The following CACNG4 variants were observed in gnomAD, a reference collection of about 807,000 sequenced individuals.
CACNG4 encodes voltage-dependent calcium channel gamma-4 subunit.
In CACNG4, 8 loss-of-function variants were observed where a neutral mutation model predicts 22.9. The observed-to-expected ratio is 0.35, with a 90% confidence interval of 0.21 to 0.63. The LOEUF (loss-of-function observed/expected upper bound fraction) is 0.63, where lower values mean the gene tolerates loss of function less well. Among genes scored for constraint, CACNG4 ranks in the 30% least tolerant of loss-of-function variants. The probability of loss-of-function intolerance (pLI) is 0.72; values close to 1 mark genes in which losing one functional copy is unlikely to be tolerated. For synonymous variants in CACNG4, 188 were observed against 191.9 expected (o/e 0.98, Z 0.17); for missense variants, 357 against 455.4 (o/e 0.78, Z 1.97).
rs1238373565 is a variant in CACNG4, at chr17:66,965,096, C to G, written c.185C>G (p.Thr62Ser). Residue 62 changes from threonine (T) to serine (S), a missense_variant, in exon 1 of 4, where the codon ACC becomes AGC. By Grantham distance (58) the Thr-to-Ser change is moderately conservative. This residue lies in a region of CACNG4 where 114 missense variants were observed against 161.6 expected (regional missense o/e 0.71). Coordinates refer to ENST00000262138, the MANE Select transcript of CACNG4 (RefSeq NM_014405.4). ...PPPRRARGDLTHSGLWRVCCI... is the reference protein window; with the variant it reads ...PPPRRARGDLSHSGLWRVCCI... ...CCCCGCCGCGCCCGCGGCGACCTCACCCACTCTGGTCTGTGGCGGGTGTGC... is the reference window on the plus strand; with the variant it reads ...CCCCGCCGCGCCCGCGGCGACCTCAGCCACTCTGGTCTGTGGCGGGTGTGC... 1.3e-6 allele frequency: 2 copies of G among 1,599,188 alleles called. No individual in the cohort carries two copies. Among genetic ancestry groups the G allele is most frequent in the Middle Eastern group, 1.6e-4 (1 of 6,070 alleles).
At chr17:66,997,475 C>T (rs1274670315) in intron 1 of CACNG4, among the ~76,000 whole-genome samples, 1 of 152,086 alleles carries the variant, frequency 6.6e-6, no homozygotes, top group African/African-American at 2.4e-5. Flanking sequence ...GTGGAGATGT[C>T]CCCGGGGATG....
At chr17:67,025,498 C>T (rs926687261) in intron 3 of CACNG4, among the ~76,000 whole-genome samples, 4 of 152,228 alleles carry the variant, frequency 2.6e-5, no homozygotes, top group African/African-American at 4.8e-5. Flanking sequence ...CATGAGTGGC[C>T]GTCTTGCAGA....
chr17:67,024,952 C>A lies in CACNG4; in HGVS notation c.397C>A (p.Arg133Ser). 6.2e-7 allele frequency: 1 copy of A among 1,607,004 alleles called. No homozygotes were observed. Among genetic ancestry groups the A allele is most frequent in the Non-Finnish European group, 8.5e-7 (1 of 1,177,844 alleles). Reference sequence around the variant, plus strand: ...CATCGGTGCTGGCAGGATCTACAGCCGCAAGAACAACATCGTCCTCAGTGC... The same window carrying A: ...CATCGGTGCTGGCAGGATCTACAGCAGCAAGAACAACATCGTCCTCAGTGC... Reference protein sequence around the residue: ...LCIGAGRIYSRKNNIVLSAGI... With the variant: ...LCIGAGRIYSSKNNIVLSAGI... The change falls in exon 3 of 4, where the codon CGC becomes AGC. Residue 133 changes from arginine to serine, a missense_variant. Physicochemically the swap from Arg to Ser is moderately radical, Grantham distance 110. This residue lies in a region of CACNG4 where 240 missense variants were observed against 277.6 expected (regional missense o/e 0.86). Coordinates refer to ENST00000262138, the MANE Select transcript of CACNG4 (RefSeq NM_014405.4).
Position 67,027,845 on chromosome 17 carries a change from C to T in CACNG4, c.446-2621C>T, listed in dbSNP as rs960201107. On this transcript the variant is annotated intron_variant, in intron 3 of 3. Coordinates refer to ENST00000262138, the MANE Select transcript of CACNG4 (RefSeq NM_014405.4). This position sits in a 1 kb window ranked among gnomAD's most constrained non-coding sequence, Gnocchi z 4.3. The stretch of plus-strand genomic sequence containing the variant: ...ACCAGCCTGGCCAACATGGTGAAAC[C>T]CTGTCTCTACCAAAAAATACAAAAA... Among the ~76,000 whole-genome samples the T allele has an allele frequency of 6.6e-6, 1 of 151,886 alleles. No individual in the cohort carries two copies. Among genetic ancestry groups the T allele is most frequent in the Non-Finnish European group, 1.5e-5 (1 of 68,004 alleles).
At chr17:66,988,066 TACACACAC>T (rs1312133977) in intron 1 of CACNG4, among the ~76,000 whole-genome samples, 1 of 147,362 alleles carries the variant, frequency 6.8e-6, no homozygotes, top group Non-Finnish European at 1.5e-5. Context: ...TATATATATA[TACACACAC>T]ACACACACAT....
chr17:66,964,798 C>G lies in CACNG4; in HGVS notation c.-114C>G. ...GGTCGGAGCGCGCAGCGCGGCGCCG[C>G]CCCCCGGCCCTCGGCCCCCCAACCC... On this transcript the variant is annotated 5_prime_UTR_variant, in exon 1 of 4. Transcript: ENST00000262138. 3.1e-6 allele frequency: 1 copy of G among 326,530 alleles called. No homozygotes were observed. Among genetic ancestry groups the G allele is most frequent in the Non-Finnish European group, 4.3e-6 (1 of 231,452 alleles). The allele number at this position is 326,530 out of a possible 1,614,324, so 20.2% of individuals were successfully genotyped here. A position where few individuals can be genotyped will look rare whatever the true frequency, so the allele number is the denominator to read the frequency against.
chr17:66,976,387 C>G (rs2035236404), intron 1 of CACNG4, among the ~76,000 whole-genome samples: 1 of 150,014 alleles, frequency 6.7e-6, no homozygotes, highest in African/African-American at 2.5e-5. Flanking sequence ...CCTCCCCTCC[C>G]TCCAACTTCT....
intron 1 of CACNG4, among the ~76,000 whole-genome samples, chr17:66,971,745 G>A (rs373534272): frequency 1.3e-5 from 2 of 152,130 alleles, no homozygotes; most frequent in South Asian, 2.1e-4. Flanking sequence ...CCGAGGCCCC[G>A]AGCAGGAGGG....
At chr17:66,978,858 G>A (rs1322353338) in intron 1 of CACNG4, among the ~76,000 whole-genome samples, 3 of 152,222 alleles carry the variant, frequency 2.0e-5, no homozygotes, top group African/African-American at 4.8e-5. Flanking sequence ...TTCTGCCTGC[G>A]GATTCCTGAG....
intron 1 of CACNG4, among the ~76,000 whole-genome samples, chr17:67,002,625 T>C (rs1013014865): frequency 6.7e-6 from 1 of 148,552 alleles, no homozygotes; most frequent in Non-Finnish European, 1.5e-5. Context: ...TCTTTCTCTC[T>C]CTCTCTCTCT....
At position 66,967,395 on chromosome 17, in the gene CACNG4, T is replaced by C. The variant is rs191581746; in HGVS notation, c.220+2264T>C. On this transcript the variant is annotated intron_variant, in intron 1 of 3. Coordinates refer to ENST00000262138, the MANE Select transcript of CACNG4 (RefSeq NM_014405.4). ...TTCAAGATTCCTTGGCTAGAATCAT[T>C]GTGACAGTCCCTCAACCTGGGTGGG... Among the ~76,000 whole-genome samples, 350 of 152,242 alleles carry C rather than the reference T, an allele frequency of 2.3e-3. 1 individual carries two copies. Among genetic ancestry groups the C allele is most frequent in the Admixed American group, 4.3e-3 (65 of 15,290 alleles).
intron 1 of CACNG4, among the ~76,000 whole-genome samples, chr17:66,991,354 G>A (rs994520509): frequency 6.6e-5 from 10 of 151,962 alleles, no homozygotes; most frequent in Admixed American, 2.0e-4. Flanking sequence ...AAACACTTCC[G>A]AAAGACCTCT....
At chr17:66,973,809 C>T (rs2035219327) in intron 1 of CACNG4, among the ~76,000 whole-genome samples, 1 of 152,186 alleles carries the variant, frequency 6.6e-6, no homozygotes, top group African/African-American at 2.4e-5. Context: ...TGGTTCTAAG[C>T]TCCAGGGAGA....
At chr17:66,995,860 T>C (rs2035371639) in intron 1 of CACNG4, among the ~76,000 whole-genome samples, 1 of 149,110 alleles carries the variant, frequency 6.7e-6, no homozygotes, top group Admixed American at 6.6e-5. Flanking sequence ...GAAAAAAAAA[T>C]GGGATCTATA....
rs115805334 is a variant in CACNG4 at position 66,999,476 on chromosome 17, T to G, written c.221-18713T>G. ...TAAGGAAAGAGGCTTAATTAACTCA[T>G]AGTTCCACATGGCTGAGGAGGCCTC... On this transcript the variant is annotated intron_variant, in intron 1 of 3. Transcript: ENST00000262138. 3.0e-3 allele frequency among the ~76,000 whole-genome samples: 462 copies of G among 152,288 alleles called. 7 individuals are homozygous for G. The highest frequency in any genetic ancestry group is 0.011 in the African/African-American group (449 of 41,542).
At chr17:66,981,174 T>C (rs955881069) in intron 1 of CACNG4, among the ~76,000 whole-genome samples, 80 of 152,262 alleles carry the variant, frequency 5.3e-4, no homozygotes, top group African/African-American at 1.9e-3. Flanking sequence ...TGTTACCTTC[T>C]GTTCTTAGCA....
Position 67,018,175 on chromosome 17 carries a change from C to G in CACNG4, c.221-14C>G. 1 of 1,604,962 alleles carries G rather than the reference C, an allele frequency of 6.2e-7. No individual in the cohort carries two copies. Among genetic ancestry groups the G allele is most frequent in the Non-Finnish European group, 8.5e-7 (1 of 1,171,634 alleles). On this transcript the variant is annotated splice_polypyrimidine_tract_variant and intron_variant, in intron 1 of 3. Transcript: ENST00000262138. ...ACAGCATTTACAGTGTTCTTTTCCT[C>G]TCGTTCCTTCCAGGGATCTATAAAG...
At chr17:66,972,351 CTG>C (rs2035209679) in intron 1 of CACNG4, among the ~76,000 whole-genome samples, 1 of 152,194 alleles carries the variant, frequency 6.6e-6, no homozygotes, top group Non-Finnish European at 1.5e-5. Flanking sequence ...ACTGCTGACA[CTG>C]GGGCCGGATC....
intron 1 of CACNG4, among the ~76,000 whole-genome samples, chr17:67,006,939 T>C (rs2035441344): frequency 1.3e-5 from 2 of 150,818 alleles, no homozygotes; most frequent in Admixed American, 6.6e-5. Context: ...CTTTGGGAGG[T>C]CAAGGCGGGT....
Sources: allele counts gnomAD v4.1 joint callset (sites outside exome capture counted in the v4.1 genomes callset), GRCh38; gene constraint gnomAD v4.1.1; regional missense constraint gnomAD v4.1.1; non-coding constraint Gnocchi (gnomAD v3.1); transcripts MANE v1.5; gene names NCBI Gene and HGNC (gene_info 2026-07-23, HGNC 2026-07-21).